TTC7B: variants seen among roughly 807,000 people sequenced by gnomAD.
TTC7B encodes the protein tetratricopeptide repeat domain 7B.
TTC7B carries 28 observed loss-of-function variants against 106.8 expected under a neutral mutation model. The ratio of observed to expected loss-of-function variants is 0.26; its 90% CI spans 0.19 to 0.36. The LOEUF (loss-of-function observed/expected upper bound fraction) is 0.36, where lower values mean the gene tolerates loss of function less well. Ranked by LOEUF, TTC7B falls within the 10% of genes least tolerant of loss-of-function variation. The pLI is 1.00. For synonymous variants in TTC7B, 405 were observed against 430.6 expected, an observed-to-expected ratio of 0.94 and a Z score of 0.74; for missense variants, 862 against 1,076.4, an observed-to-expected ratio of 0.80 and a Z score of 2.79.
chr14:90,658,812 C>T (rs578046169), intron 9 of TTC7B, among the ~76,000 whole-genome samples: 10 of 152,318 alleles, frequency 6.6e-5, no homozygotes, highest in African/African-American at 1.4e-4. Flanking sequence ...CTATGAGACA[C>T]CATCAAAGGC....
intron 19 of TTC7B, among the ~76,000 whole-genome samples, chr14:90,548,816 A>T (rs1225447409): frequency 6.6e-6 from 1 of 152,170 alleles, no homozygotes; most frequent in Non-Finnish European, 1.5e-5. Context: ...ACAGCTTGCC[A>T]TGGAGAGGGT....
intron 5 of TTC7B, among the ~76,000 whole-genome samples, chr14:90,719,431 G>A (rs909802582): frequency 1.3e-5 from 2 of 152,214 alleles, no homozygotes; most frequent in African/African-American, 4.8e-5. Context: ...AGACTGGGAG[G>A]AACTGTAAAT....
In TTC7B at chr14:90,694,196, C is replaced by T. The variant is rs909040970; in HGVS notation, c.777+1304G>A. 1.5e-4 allele frequency among the ~76,000 whole-genome samples: 23 copies of T among 152,160 alleles called. No homozygotes were observed. In the South Asian group the frequency reaches 1.7e-3, roughly 11 times the overall value. On this transcript the variant is annotated intron_variant, in intron 6 of 19. Coordinates refer to ENST00000328459, the MANE Select transcript of TTC7B (RefSeq NM_001010854.2). ...CAGGAGGCAATGAGCCAAGATTGTG[C>T]GATTGCACTCCAACCTGGGCAACAG...
At chr14:90,602,112 C>T (rs776165856) in intron 17 of TTC7B, 2 of 455,900 alleles carry the variant, frequency 4.4e-6, no homozygotes, top group South Asian at 1.5e-5. Context: ...GCAGTATTTG[C>T]CATAAGCTAA....
chr14:90,772,536 AG>A (rs948446053), intron 3 of TTC7B: 10 of 152,350 alleles, frequency 6.6e-5, no homozygotes, highest in African/African-American at 2.2e-4. Context: ...CACATACAGG[AG>A]GTGTAGAGAA....
At position 90,575,627 on chromosome 14, in the gene TTC7B, C is replaced by T. The variant is rs190589913; in HGVS notation, c.2310+2479G>A. Among the ~76,000 whole-genome samples the T allele has an allele frequency of 4.5e-3, 680 of 152,306 alleles. 1 individual carries two copies. The highest frequency in any genetic ancestry group is 7.1e-3 in the Non-Finnish European group (486 of 68,022). On this transcript the variant is annotated intron_variant, in intron 19 of 19. Coordinates refer to ENST00000328459, the MANE Select transcript of TTC7B (RefSeq NM_001010854.2). This position sits in a 1 kb window ranked among gnomAD's most constrained non-coding sequence, Gnocchi z 5.2. ...CTTGGCTGCATGGGGCTCCCCCTGG[C>T]TGTGGGCTGGGCTCCTGGGGACAGG...
chr14:90,634,808 T>C (rs1177926398), intron 15 of TTC7B, among the ~76,000 whole-genome samples: 6 of 151,882 alleles, frequency 4.0e-5, no homozygotes, highest in African/African-American at 1.2e-4. Flanking sequence ...AGAAGTAATA[T>C]ATGAAGAAAG....
intron 5 of TTC7B, among the ~76,000 whole-genome samples, chr14:90,720,127 C>T (rs1353427163): frequency 1.3e-5 from 2 of 151,724 alleles, no homozygotes; most frequent in African/African-American, 4.8e-5. Context: ...AGCCAAAAGA[C>T]TGGACGCCCC....
At chr14:90,653,235 A>G (rs555836172) in intron 12 of TTC7B, among the ~76,000 whole-genome samples, 1 of 152,358 alleles carries the variant, frequency 6.6e-6, no homozygotes, top group South Asian at 2.1e-4. Flanking sequence ...AAGTGTAGGC[A>G]TGTAACTCAG....
At chr14:90,731,957 G>A (rs1253420784) in intron 4 of TTC7B, among the ~76,000 whole-genome samples, 3 of 151,958 alleles carry the variant, frequency 2.0e-5, no homozygotes, top group Admixed American at 1.3e-4. Flanking sequence ...GACATGCCAT[G>A]ATTATTTTAA....
chr14:90,551,388 A>G lies in TTC7B; in HGVS notation c.2311-9799T>C, dbSNP rs553144652. ...AGACCAGGCTTTCTGGAAGCCCACC[A>G]GGCCTCTAAGAGTGGGTTCCCTGAC... is the stretch of plus-strand genomic sequence containing the variant. On this transcript the variant is annotated intron_variant, in intron 19 of 19. Transcript: ENST00000328459. 9.2e-5 allele frequency among the ~76,000 whole-genome samples: 14 copies of G among 152,278 alleles called. No individual in the cohort carries two copies. In the East Asian group the frequency reaches 2.5e-3, roughly 27 times the overall value.
At chr14:90,680,432 G>A (rs760994792) in intron 8 of TTC7B, 40 bp downstream of exon 8, 2 of 1,537,264 alleles carry the variant, frequency 1.3e-6, no homozygotes, top group Non-Finnish European at 1.8e-6. Context: ...GGGTCTACAG[G>A]GCCAGGGGAA....
At chr14:90,559,680 C>T (rs1189171831) in intron 19 of TTC7B, among the ~76,000 whole-genome samples, 1 of 152,230 alleles carries the variant, frequency 6.6e-6, no homozygotes, top group African/African-American at 2.4e-5. Flanking sequence ...ACGATTCTCA[C>T]AGCCACTCTG....
At chr14:90,617,841 A>T in intron 16 of TTC7B, 88 bp downstream of exon 16, 1 of 1,008,314 alleles carries the variant, frequency 9.9e-7, no homozygotes, top group Non-Finnish European at 1.6e-6. Flanking sequence ...TGACAGAGTT[A>T]ATGCCTGCTA....
At chr14:90,809,396 C>T (rs565621506) in intron 1 of TTC7B, among the ~76,000 whole-genome samples, 4 of 152,220 alleles carry the variant, frequency 2.6e-5, no homozygotes, top group African/African-American at 9.6e-5. Context: ...GGCCAGGGCC[C>T]CTACAGTGAA....
chr14:90,705,791 T>C (rs561443213), intron 5 of TTC7B, among the ~76,000 whole-genome samples: 14 of 152,316 alleles, frequency 9.2e-5, no homozygotes, highest in African/African-American at 3.4e-4. Flanking sequence ...TCCACTTTTT[T>C]TCACTTGACG....
chr14:90,673,893 GA>G (rs944890109), intron 9 of TTC7B, among the ~76,000 whole-genome samples: 2 of 150,998 alleles, frequency 1.3e-5, no homozygotes, highest in South Asian at 2.1e-4. Context: ...AGTATCCATA[GA>G]AAAAAAAAGC....
rs116511729 is a variant in TTC7B, at chr14:90,790,668, C to T, written c.122-4340G>A. On this transcript the variant is annotated intron_variant, in intron 1 of 19. Transcript: ENST00000328459. ...GGCTCCTCTGGGCAGAATCTCCAAG[C>T]CAGGGAGCAGAAACAACGGGAGATC... Among the ~76,000 whole-genome samples, 575 of 152,152 alleles carry T rather than the reference C, an allele frequency of 3.8e-3. 6 individuals carry two copies. The highest frequency in any genetic ancestry group is 0.013 in the African/African-American group (548 of 41,528).
In TTC7B at chr14:90,547,452, C is replaced by T. The variant is rs1009550598; in HGVS notation, c.2311-5863G>A. Among the ~76,000 whole-genome samples the T allele has an allele frequency of 2.6e-5, 4 of 152,216 alleles. No individual in the cohort carries two copies. In the East Asian group the frequency reaches 5.8e-4, roughly 22 times the overall value. ...CTGCAGCCTTGGTGTAGGAGGCCCT[C>T]AGCAGGGCCGGCCTGCACTATCCTC... On this transcript the variant is annotated intron_variant, in intron 19 of 19. Transcript: ENST00000328459.
Sources: allele counts gnomAD v4.1 joint callset (sites outside exome capture counted in the v4.1 genomes callset), GRCh38; gene constraint gnomAD v4.1.1; non-coding constraint Gnocchi (gnomAD v3.1); transcripts MANE v1.5; gene names NCBI Gene and HGNC (gene_info 2026-07-23, HGNC 2026-07-21).